RCOR1: variants seen among roughly 807,000 people sequenced by gnomAD.
The protein encoded by RCOR1 is REST corepressor 1.
Under a neutral mutation model 64.0 loss-of-function variants are expected in RCOR1, and 12 were observed. That is an observed-to-expected ratio of 0.19 (90% CI 0.12 to 0.30). The LOEUF (loss-of-function observed/expected upper bound fraction) is 0.30, where lower values mean the gene tolerates loss of function less well. Ranked by LOEUF, RCOR1 falls within the 10% of genes least tolerant of loss-of-function variation. The pLI is 1.00. For synonymous variants in RCOR1, 279 were observed against 227.2 expected (o/e 1.23, Z -2.05); for missense variants, 502 against 621.2 (o/e 0.81, Z 2.04).
At chr14:102,690,643 A>G (rs1031586642) in intron 3 of RCOR1, among the ~76,000 whole-genome samples, 3 of 152,184 alleles carry the variant, frequency 2.0e-5, no homozygotes, top group Non-Finnish European at 2.9e-5. Context: ...TGATGTCCAC[A>G]TGGCTCACCC....
chr14:102,667,947 G>A (rs981797863), intron 2 of RCOR1, among the ~76,000 whole-genome samples: 19 of 152,130 alleles, frequency 1.2e-4, no homozygotes, highest in Admixed American at 9.8e-4. Flanking sequence ...GCTTATATGC[G>A]TATTCTGTCT....
At position 102,707,331 on chromosome 14, in the gene RCOR1, T is replaced by TA. The variant is rs1246947429; in HGVS notation, c.499-19dup. The TA allele has an allele frequency of 6.4e-7, 1 of 1,560,146 alleles. No individual in the cohort carries two copies. Among genetic ancestry groups the TA allele is most frequent in the Non-Finnish European group, 8.6e-7 (1 of 1,159,176 alleles). On this transcript the variant is annotated intron_variant, in intron 4 of 11. Transcript: ENST00000262241. Reference sequence around the variant, plus strand: ...TTGTTTTTTGTTTGATCTAAAATTTTACTGATATCATTTTTGTAGGCTCTT... The same window carrying TA: ...TTGTTTTTTGTTTGATCTAAAATTTTAACTGATATCATTTTTGTAGGCTCTT...
chr14:102,656,837 G>A (rs989666531), intron 2 of RCOR1, among the ~76,000 whole-genome samples: 6 of 150,582 alleles, frequency 4.0e-5, no homozygotes, highest in South Asian at 2.1e-4. Context: ...GTGCAGTCGC[G>A]CAATCTCAGC....
Position 102,627,961 on chromosome 14 carries a change from G to GTA in RCOR1, c.361+34637_361+34638insAT, listed in dbSNP as rs1491527615. Among the ~76,000 whole-genome samples, 21 of 9,940 alleles carry GTA rather than the reference G, an allele frequency of 2.1e-3. No individual in the cohort carries two copies. The East Asian group carries it at 0.051, about 24-fold the overall frequency. 6.5% of individuals were successfully genotyped at this position (9,940 alleles called of 152,430 possible). On this transcript the variant is annotated intron_variant, in intron 2 of 11. Transcript: ENST00000262241. Reference sequence around the variant, plus strand: ...TTATATATGCATAAATTTAAAAGGGGTGTGTGTGTGTGTGTGTGTGTAAAA... The same window carrying GTA: ...TTATATATGCATAAATTTAAAAGGGGTATGTGTGTGTGTGTGTGTGTGTAAAA...
intron 3 of RCOR1, among the ~76,000 whole-genome samples, chr14:102,693,937 C>T (rs937588291): frequency 6.6e-6 from 1 of 151,952 alleles, no homozygotes; most frequent in Non-Finnish European, 1.5e-5. Context: ...GTAATCCTCC[C>T]GTCTTGGCTT....
intron 2 of RCOR1, among the ~76,000 whole-genome samples, chr14:102,671,017 A>G (rs1895023141): frequency 6.6e-6 from 1 of 151,930 alleles, no homozygotes; most frequent in Non-Finnish European, 1.5e-5. Flanking sequence ...CAGGTGATCC[A>G]CCCATCTTGG....
At chr14:102,667,461 A>G (rs1894937580) in intron 2 of RCOR1, among the ~76,000 whole-genome samples, 1 of 152,070 alleles carries the variant, frequency 6.6e-6, no homozygotes, top group African/African-American at 2.4e-5. Flanking sequence ...ACATGGTACC[A>G]CTGTGCTCCA....
intron 6 of RCOR1, 74 bp downstream of exon 6, chr14:102,708,657 C>A: frequency 1.2e-6 from 1 of 812,970 alleles, no homozygotes; most frequent in Non-Finnish European, 2.1e-6. Flanking sequence ...AAAGGCAAGG[C>A]AGAATGACTG....
Position 102,729,710 on chromosome 14 carries a change from A to G in RCOR1, c.*3204A>G, listed in dbSNP as rs545705287. 1.5e-4 allele frequency: 58 copies of G among 397,542 alleles called. No homozygotes were observed. Among genetic ancestry groups the G allele is most frequent in the African/African-American group, 7.8e-4 (38 of 48,710 alleles). 24.6% of individuals were successfully genotyped at this position (397,542 alleles called of 1,614,324 possible). On this transcript the variant is annotated 3_prime_UTR_variant, in exon 12 of 12. Transcript: ENST00000262241. Reference sequence around the variant, plus strand: ...GTGCTCATTGTCACTTTAAATTTCAACGATACCCTATTTTTGTCATTCTAA... The same window carrying G: ...GTGCTCATTGTCACTTTAAATTTCAGCGATACCCTATTTTTGTCATTCTAA...
Position 102,689,825 on chromosome 14 carries a change from C to T in RCOR1, c.445+7847C>T, listed in dbSNP as rs998843290. Among the ~76,000 whole-genome samples, 4 of 152,236 alleles carry T rather than the reference C, an allele frequency of 2.6e-5. No individual in the cohort carries two copies. In the East Asian group the frequency reaches 5.8e-4, roughly 22 times the overall value. On this transcript the variant is annotated intron_variant, in intron 3 of 11. Coordinates refer to ENST00000262241, the MANE Select transcript of RCOR1 (RefSeq NM_015156.4). ...GTGGCGCAATCTCAGCTCACTGCAA[C>T]CTCTGCCTCCCAGGTTCAAGCTATT...
chr14:102,614,414 C>T (rs1279336607), intron 2 of RCOR1, among the ~76,000 whole-genome samples: 1 of 151,394 alleles, frequency 6.6e-6, no homozygotes, highest in Non-Finnish European at 1.5e-5. Flanking sequence ...TTAGTAGAGA[C>T]GGGGTTTCAC....
At chr14:102,597,817 A>T (rs1445074658) in intron 2 of RCOR1, among the ~76,000 whole-genome samples, 2 of 135,358 alleles carry the variant, frequency 1.5e-5, no homozygotes, top group Non-Finnish European at 1.6e-5. Context: ...TATTTTTGCA[A>T]TTTTTTTTTT....
chr14:102,671,524 T>C (rs1274379142), intron 2 of RCOR1, among the ~76,000 whole-genome samples: 2 of 152,160 alleles, frequency 1.3e-5, no homozygotes, highest in Non-Finnish European at 2.9e-5. Context: ...CCCTCTGAAG[T>C]AGCTGGGACT....
intron 2 of RCOR1, among the ~76,000 whole-genome samples, chr14:102,601,497 TAAAG>T (rs1893397447): frequency 6.6e-6 from 1 of 152,100 alleles, no homozygotes; most frequent in Non-Finnish European, 1.5e-5. Context: ...TTGTGAAGGA[TAAAG>T]AGAGGAAGGA....
At chr14:102,666,921 C>G (rs1894924460) in intron 2 of RCOR1, among the ~76,000 whole-genome samples, 1 of 152,200 alleles carries the variant, frequency 6.6e-6, no homozygotes, top group South Asian at 2.1e-4. Flanking sequence ...CTGCTCCGCC[C>G]CTTTCCATAC....
At chr14:102,642,640 A>G (rs1267395220) in intron 2 of RCOR1, among the ~76,000 whole-genome samples, 1 of 152,110 alleles carries the variant, frequency 6.6e-6, no homozygotes, top group Non-Finnish European at 1.5e-5. Context: ...ATTCCAGACC[A>G]GCCTGGGCAA....
chr14:102,687,461 C>CT (rs1352507587), intron 3 of RCOR1, among the ~76,000 whole-genome samples: 1 of 152,106 alleles, frequency 6.6e-6, no homozygotes, highest in African/African-American at 2.4e-5. Flanking sequence ...TGGGCTGTGT[C>CT]TAAGTAAAAC....
At chr14:102,670,690 G>C (rs1433474980) in intron 2 of RCOR1, among the ~76,000 whole-genome samples, 1 of 151,000 alleles carries the variant, frequency 6.6e-6, no homozygotes, top group African/African-American at 2.4e-5. Context: ...AGAAAACAAG[G>C]CATGTTGTTA....
intron 6 of RCOR1, among the ~76,000 whole-genome samples, chr14:102,709,837 A>G (rs1294996269): frequency 3.9e-5 from 6 of 152,254 alleles, no homozygotes; most frequent in Non-Finnish European, 7.3e-5. Flanking sequence ...AAATTAAATA[A>G]TACAGAGTGG....
Sources: gnomAD v4.1 joint callset for allele counts (sites outside exome capture counted in the v4.1 genomes callset) on GRCh38, gnomAD v4.1.1 for gene constraint, MANE v1.5 for transcripts, NCBI Gene and HGNC (gene_info 2026-07-23, HGNC 2026-07-21) for gene names.